TGFBI: variants seen among roughly 807,000 people sequenced by gnomAD.
TGFBI encodes the protein transforming growth factor beta induced.
In TGFBI, 50 loss-of-function variants were observed where a neutral mutation model predicts 73.7. That is an observed-to-expected ratio of 0.68 (90% CI 0.54 to 0.86). TGFBI has a LOEUF of 0.86. TGFBI is among the 40% of genes least tolerant of loss of function. The pLI is 0.00. For missense variants in TGFBI, 839 were observed against 877.0 expected, an observed-to-expected ratio of 0.96 and a Z score of 0.55; for synonymous variants, 362 against 360.5, an observed-to-expected ratio of 1.00 and a Z score of -0.05.
rs750422411 is a variant in TGFBI at position 136,063,223 on chromosome 5, T to G, written c.2049T>G (p.His683Gln). 2 of 1,613,560 alleles carry G rather than the reference T, an allele frequency of 1.2e-6. No homozygotes were observed. The highest frequency in any genetic ancestry group is 4.5e-5 in the East Asian group (2 of 44,894). The change falls in exon 17 of 17, where the codon CAT becomes CAG. Residue 683 changes from histidine (H) to glutamine (Q), a missense_variant. Transcript: ENST00000442011. ...VYQKLLERMK[H>Q] ...AAAAGTTATTAGAGAGGATGAAGCA[T>G]TAGCTTGAAGCACTACAGGAGGAAT...
At chr5:136,062,572 G>C (rs1422429556) in intron 15 of TGFBI, 91 bp from the exon 16 acceptor site, 9 of 1,350,566 alleles carry the variant, frequency 6.7e-6, no homozygotes, top group Non-Finnish European at 9.3e-6. Context: ...CATTTTTTCT[G>C]AGTAGGGGTG....
chr5:136,062,793 A>G, intron 16 of TGFBI, 106 bp downstream of exon 16: 4 of 1,260,468 alleles, frequency 3.2e-6, no homozygotes, highest in East Asian at 2.5e-5. Flanking sequence ...ATCATGGTGC[A>G]GTAAAAGAAG....
intron 7 of TGFBI, among the ~76,000 whole-genome samples, chr5:136,052,497 C>A (rs965858668): frequency 6.6e-6 from 1 of 152,186 alleles, no homozygotes; most frequent in South Asian, 2.1e-4. Flanking sequence ...TTTCTTGTAT[C>A]CCTGAAGTTC....
At chr5:136,055,487 T>C (rs1053687241) in intron 10 of TGFBI, 193 bp from the exon 11 acceptor site, 36 of 477,682 alleles carry the variant, frequency 7.5e-5, no homozygotes, top group Middle Eastern at 7.1e-4. Flanking sequence ...AACCGTTCTT[T>C]CCTTAAGGAA....
At position 136,030,834 on chromosome 5, in the gene TGFBI, A is replaced by G. The variant is rs190854380; in HGVS notation, c.134+1645A>G. 8.5e-5 allele frequency among the ~76,000 whole-genome samples: 13 copies of G among 152,288 alleles called. No individual in the cohort carries two copies. The East Asian group carries it at 2.5e-3, about 29-fold the overall frequency. ...AGAAGATCCTTATAGCATGCCCTGC[A>G]ACAGTGTCACCTGTAAGGGCATCTC... On this transcript the variant is annotated intron_variant, in intron 1 of 16. Transcript: ENST00000442011.
chr5:136,052,258 G>T (rs1216720727), intron 7 of TGFBI, among the ~76,000 whole-genome samples: 1 of 152,246 alleles, frequency 6.6e-6, no homozygotes, highest in Non-Finnish European at 1.5e-5. Context: ...CTATTTATGG[G>T]TGTGGTGAAT....
At chr5:136,048,470 T>C (rs986274593) in intron 6 of TGFBI, 1 of 152,218 alleles carries the variant, frequency 6.6e-6, no homozygotes, top group African/African-American at 2.4e-5. Context: ...AGTATAGAGG[T>C]GAACAAGGAA....
chr5:136,055,637 A>G (rs6860369), intron 10 of TGFBI, 43 bp from the exon 11 acceptor site: 443,481 of 1,508,044 alleles, frequency 0.29, 70,713 homozygotes, highest in African/African-American at 0.63. Context: ...CCCCTCGTGG[A>G]AGTATAACCA....
intron 1 of TGFBI, among the ~76,000 whole-genome samples, chr5:136,029,712 C>T (rs896823125): frequency 1.3e-5 from 2 of 152,140 alleles, no homozygotes; most frequent in Non-Finnish European, 2.9e-5. Flanking sequence ...TGCTGGCACC[C>T]GACACTGCTC....
chr5:136,037,159 C>T (rs915425729), intron 2 of TGFBI, among the ~76,000 whole-genome samples: 27 of 152,300 alleles, frequency 1.8e-4, no homozygotes, highest in Non-Finnish European at 2.9e-4. Context: ...TGGTGCAATG[C>T]GTCAAGCTGA....
At chr5:136,052,282 C>G (rs1489841852) in intron 7 of TGFBI, among the ~76,000 whole-genome samples, 1 of 152,228 alleles carries the variant, frequency 6.6e-6, no homozygotes, top group African/African-American at 2.4e-5. Flanking sequence ...ATGGCAAAGG[C>G]CAAGTCTTAC....
intron 15 of TGFBI, among the ~76,000 whole-genome samples, chr5:136,062,326 C>T (rs1037998420): frequency 6.6e-6 from 1 of 152,076 alleles, no homozygotes; most frequent in Admixed American, 6.5e-5. Context: ...CCTTAGTGCC[C>T]TCGAGAAGGA....
chr5:136,059,687 A>G (rs1038814948), intron 13 of TGFBI, among the ~76,000 whole-genome samples: 9 of 152,112 alleles, frequency 5.9e-5, no homozygotes, highest in Non-Finnish European at 4.4e-5. Context: ...CTGCACTAAG[A>G]GTGTTCCTAA....
At position 136,053,072 on chromosome 5, in the gene TGFBI, C is replaced by A; in HGVS notation, c.1079C>A (p.Thr360Asn). 1 of 1,614,082 alleles carries A rather than the reference C, an allele frequency of 6.2e-7. No homozygotes were observed. Among genetic ancestry groups the A allele is most frequent in the Non-Finnish European group, 8.5e-7 (1 of 1,179,908 alleles). ...AIISNKDILA[T>N]NGVIHYIDEL... ...ATCTCCAATAAAGACATCCTAGCCA[C>A]CAACGGGGTGATCCACTACATTGAT... The change falls in exon 8 of 17, where the codon ACC becomes AAC. Residue 360 changes from threonine to asparagine, a missense_variant. Coordinates refer to ENST00000442011, the MANE Select transcript of TGFBI (RefSeq NM_000358.3).
intron 2 of TGFBI, among the ~76,000 whole-genome samples, chr5:136,042,389 G>A (rs1436432691): frequency 1.3e-5 from 2 of 152,202 alleles, no homozygotes; most frequent in South Asian, 2.1e-4. Context: ...GGACTTTCAA[G>A]TTCACCCTGC....
At position 136,054,734 on chromosome 5, in the gene TGFBI, A is replaced by T. The variant is rs747515492; in HGVS notation, c.1283A>T (p.Asp428Val). The T allele has an allele frequency of 6.2e-7, 1 of 1,613,970 alleles. No homozygotes were observed. Among genetic ancestry groups the T allele is most frequent in the Non-Finnish European group, 8.5e-7 (1 of 1,179,888 alleles). The stretch of plus-strand genomic sequence containing the variant: ...CTTGTAGATGGAACCCCTCCAATTG[A>T]TGCCCATACAAGGAATTTGCTTCGG... ...SVFKDGTPPI[D>V]AHTRNLLRNH... Residue 428 changes from aspartate (D) to valine (V), a missense_variant, in exon 10 of 17, where the codon GAT becomes GTT. By Grantham distance (152) the Asp-to-Val change is radical (BLOSUM62 -3). Transcript: ENST00000442011.
At chr5:136,039,463 A>G (rs1751291167) in intron 2 of TGFBI, among the ~76,000 whole-genome samples, 1 of 152,170 alleles carries the variant, frequency 6.6e-6, no homozygotes, top group African/African-American at 2.4e-5. Flanking sequence ...GTCTCTGTCT[A>G]CAGCCTCAAA....
At chr5:136,061,158 G>A in intron 14 of TGFBI, 1 of 585,510 alleles carries the variant, frequency 1.7e-6, no homozygotes, top group Middle Eastern at 4.6e-4. Context: ...GAGTTGCCCA[G>A]CTATATTAGC....
intron 4 of TGFBI, 51 bp from the exon 5 acceptor site, chr5:136,046,800 C>T: frequency 5.1e-6 from 8 of 1,579,936 alleles, no homozygotes; most frequent in Non-Finnish European, 6.0e-6. Flanking sequence ...GGACCCATCT[C>T]TTAAACACAG....
Sources: gnomAD v4.1 joint callset for allele counts (sites outside exome capture counted in the v4.1 genomes callset) on GRCh38, gnomAD v4.1.1 for gene constraint, MANE v1.5 for transcripts, NCBI Gene and HGNC (gene_info 2026-07-23, HGNC 2026-07-21) for gene names.